CELF2: variants seen among roughly 807,000 people sequenced by gnomAD.
CELF2 encodes the protein CUG triplet repeat RNA-binding protein 2.
CELF2 carries 8 observed loss-of-function variants against 62.6 expected under a neutral mutation model. The observed-to-expected ratio is 0.13, with a 90% CI of 0.07 to 0.23. The LOEUF (loss-of-function observed/expected upper bound fraction) is 0.23, where lower values mean the gene tolerates loss of function less well. CELF2 is among the 10% of genes least tolerant of loss of function. The pLI, the probability that CELF2 is intolerant of heterozygous loss-of-function variation, is 1.00. For synonymous variants in CELF2, 258 were observed against 250.0 expected (o/e 1.03, Z -0.30); for missense variants, 333 against 671.0 (o/e 0.50, Z 5.56).
chr10:10,855,793 A>G (rs566217971), intron 1 of CELF2, among the ~76,000 whole-genome samples: 1 of 152,326 alleles, frequency 6.6e-6, no homozygotes, highest in African/African-American at 2.4e-5. Flanking sequence ...TTTACTGGGT[A>G]TCTACTATGT....
At chr10:11,169,851 A>T (rs1056652615) in intron 2 of CELF2, among the ~76,000 whole-genome samples, 1 of 152,226 alleles carries the variant, frequency 6.6e-6, no homozygotes, top group Non-Finnish European at 1.5e-5. Flanking sequence ...GCTTTGGCTT[A>T]ACTGGGAGGA....
the CELF2 span, among the ~76,000 whole-genome samples, chr10:10,563,383 A>C: frequency 6.6e-6 from 1 of 151,938 alleles, no homozygotes; most frequent in African/African-American, 2.4e-5. Context: ...GGCCGAGGTG[A>C]GTGGATCACT....
chr10:11,330,874 A>G lies in CELF2; in HGVS notation c.*1821A>G, dbSNP rs2095999582. On this transcript the variant is annotated 3_prime_UTR_variant, in exon 13 of 13. Coordinates refer to ENST00000633077, the MANE Select transcript of CELF2 (RefSeq NM_001326342.2). The surrounding 1 kb of genome is among the most constrained non-coding windows in gnomAD (Gnocchi z 4.5). ...GTTGGTTTCTAACAGACTACTTCCA[A>G]AAACAGTTTGAGAAAAAAACTGTCT... is the stretch of plus-strand genomic sequence containing the variant. The G allele has an allele frequency of 6.6e-6, 1 of 152,580 alleles. No individual in the cohort carries two copies. Among genetic ancestry groups the G allele is most frequent in the Non-Finnish European group, 1.5e-5 (1 of 68,032 alleles). 9.5% of individuals were successfully genotyped at this position (152,580 alleles called of 1,614,324 possible).
rs2062881536 is a variant in CELF2, at chr10:11,046,557, G to A, written c.74+28394G>A. Among the ~76,000 whole-genome samples, 1 of 152,188 alleles carries A rather than the reference G, an allele frequency of 6.6e-6. No individual in the cohort carries two copies. The highest frequency in any genetic ancestry group is 2.1e-4 in the South Asian group (1 of 4,824). Reference sequence around the variant, plus strand: ...TTTATGTCTTGGGCATGTGGGCTCAGTGCTAATTTTCATGGCTTCTGTGGT... The same window carrying A: ...TTTATGTCTTGGGCATGTGGGCTCAATGCTAATTTTCATGGCTTCTGTGGT... On this transcript the variant is annotated intron_variant, in intron 1 of 12. Coordinates refer to ENST00000633077, the MANE Select transcript of CELF2 (RefSeq NM_001326342.2). This position sits in a 1 kb window ranked among gnomAD's most constrained non-coding sequence, Gnocchi z 4.6.
intron 1 of CELF2, among the ~76,000 whole-genome samples, chr10:11,028,233 TG>T (rs370149446): frequency 9.8e-4 from 149 of 151,954 alleles, no homozygotes; most frequent in African/African-American, 3.3e-3. Flanking sequence ...CATTCTGGGA[TG>T]GGGGGGAAGC....
chr10:10,807,535 G>A lies in CELF2; in HGVS notation c.53+8718G>A, dbSNP rs557169981. 5.3e-4 allele frequency among the ~76,000 whole-genome samples: 80 copies of A among 152,252 alleles called. 1 individual carries two copies. Among genetic ancestry groups the A allele is most frequent in the African/African-American group, 1.9e-3 (77 of 41,556 alleles). ...CACCTGTGCAAATAACTATTGTCAT[G>A]CAAATAAGAATACCCAAGAACAAAT... On this transcript the variant is annotated intron_variant, in intron 1 of 13. Coordinates refer to the CELF2 transcript ENST00000636488.
At chr10:10,633,605 A>G in the CELF2 span, among the ~76,000 whole-genome samples, 2 of 152,182 alleles carry the variant, frequency 1.3e-5, no homozygotes, top group African/African-American at 4.8e-5. Context: ...TTTTTGTCAC[A>G]TAGAAAATGA....
chr10:10,862,868 A>T (rs575761656), intron 1 of CELF2, among the ~76,000 whole-genome samples: 15 of 152,374 alleles, frequency 9.8e-5, no homozygotes, highest in Admixed American at 7.8e-4. Flanking sequence ...TATATTCAAA[A>T]TTCTTATTTT....
rs1209467525 is a variant in CELF2, at chr10:11,300,480, G to A, written c.976+11928G>A. ...ACCCTCTTCCAGGCTGGGAGTGTGA[G>A]GTCACACCTCACCACTGCAGCGCCC... On this transcript the variant is annotated intron_variant, in intron 9 of 12. Coordinates refer to ENST00000633077, the MANE Select transcript of CELF2 (RefSeq NM_001326342.2). The surrounding 1 kb of genome is among the most constrained non-coding windows in gnomAD (Gnocchi z 5.5). Among the ~76,000 whole-genome samples, 1 of 152,136 alleles carries A rather than the reference G, an allele frequency of 6.6e-6. No homozygotes were observed. The highest frequency in any genetic ancestry group is 2.4e-5 in the African/African-American group (1 of 41,408).
the CELF2 span, among the ~76,000 whole-genome samples, chr10:10,713,436 C>T: frequency 6.6e-6 from 1 of 152,174 alleles, no homozygotes. Flanking sequence ...GTCATCTAAA[C>T]AATGGAAGAA....
chr10:10,903,898 C>T lies in CELF2; in HGVS notation c.54-16066C>T, dbSNP rs557994297. ...CTGATCCCCAGGTCATGCATGCCTG[C>T]ATAGCATAAACGACTCACTGATGTG... On this transcript the variant is annotated intron_variant, in intron 1 of 13. Transcript: ENST00000636488. Among the ~76,000 whole-genome samples, 4 of 152,264 alleles carry T rather than the reference C, an allele frequency of 2.6e-5. No homozygotes were observed. The South Asian group carries it at 8.3e-4, about 32-fold the overall frequency.
chr10:11,056,328 T>A (rs898062855), intron 1 of CELF2, among the ~76,000 whole-genome samples: 1 of 152,260 alleles, frequency 6.6e-6, no homozygotes, highest in Non-Finnish European at 1.5e-5. Context: ...GATGTTTTTA[T>A]AAATCACGTC....
intron 3 of CELF2, among the ~76,000 whole-genome samples, chr10:11,226,725 G>T (rs955692706): frequency 4.6e-5 from 7 of 152,154 alleles, no homozygotes; most frequent in Non-Finnish European, 1.0e-4. Context: ...CCCTTGCACA[G>T]GTCCTGAAAA....
the CELF2 span, among the ~76,000 whole-genome samples, chr10:10,673,389 T>C: frequency 6.6e-6 from 1 of 152,138 alleles, no homozygotes; most frequent in East Asian, 1.9e-4. Context: ...ATAAACCCTT[T>C]TTCATTTCTG....
At chr10:11,179,725 G>C (rs1320333058) in intron 2 of CELF2, among the ~76,000 whole-genome samples, 2 of 152,052 alleles carry the variant, frequency 1.3e-5, no homozygotes, top group East Asian at 3.8e-4. Context: ...GTTGGGGAGA[G>C]AGCCTGTGAC....
chr10:10,553,179 G>C, the CELF2 span, among the ~76,000 whole-genome samples: 1 of 152,194 alleles, frequency 6.6e-6, no homozygotes, highest in Non-Finnish European at 1.5e-5. Context: ...TATGGTGACA[G>C]GCAAGAGAGC....
At chr10:11,007,502 A>G (rs2055495989) in intron 1 of CELF2, among the ~76,000 whole-genome samples, 2 of 152,234 alleles carry the variant, frequency 1.3e-5, no homozygotes, top group Non-Finnish European at 2.9e-5. Context: ...CACTCAAAAC[A>G]TATGTGCAGC....
the CELF2 span, among the ~76,000 whole-genome samples, chr10:10,538,729 T>C: frequency 6.6e-6 from 1 of 152,116 alleles, no homozygotes; most frequent in Non-Finnish European, 1.5e-5. Flanking sequence ...CATGGAGAAA[T>C]TACTGAAGGA....
At chr10:11,192,225 G>A (rs918785888) in intron 2 of CELF2, among the ~76,000 whole-genome samples, 2 of 152,200 alleles carry the variant, frequency 1.3e-5, no homozygotes, top group Non-Finnish European at 2.9e-5. Context: ...TTCAAGAGGC[G>A]CAGAGGAAAC....
Sources: gnomAD v4.1 joint callset for allele counts (sites outside exome capture counted in the v4.1 genomes callset) on GRCh38, gnomAD v4.1.1 for gene constraint, Gnocchi (gnomAD v3.1) non-coding constraint, MANE v1.5 for transcripts, NCBI Gene and HGNC (gene_info 2026-07-23, HGNC 2026-07-21) for gene names.